Variants in ADGB observed in about 807,000 individuals in gnomAD.
ADGB encodes the protein androglobin.
ADGB carries 172 observed loss-of-function variants against 210.5 expected under a neutral mutation model. The observed-to-expected ratio is 0.82, with a 90% confidence interval of 0.72 to 0.93. The LOEUF is 0.93. Ranked by LOEUF, ADGB falls within the 40% of genes least tolerant of loss-of-function variation. The probability of loss-of-function intolerance (pLI) is 0.00; values close to 1 mark genes in which losing one functional copy is unlikely to be tolerated. For synonymous variants in ADGB, 658 were observed against 662.7 expected (o/e 0.99, Z 0.11); for missense variants, 2,025 against 1,964.8 (o/e 1.03, Z -0.58).
At chr6:146,609,067 A>G (rs1780669511) in intron 1 of ADGB, among the ~76,000 whole-genome samples, 1 of 152,122 alleles carries the variant, frequency 6.6e-6, no homozygotes, top group Non-Finnish European at 1.5e-5. Flanking sequence ...TTGGATGCAT[A>G]TATATATTTA....
chr6:146,717,227 G>T (rs1481735353), intron 15 of ADGB, among the ~76,000 whole-genome samples, 158 bp downstream of exon 15: 2 of 151,998 alleles, frequency 1.3e-5, no homozygotes, highest in East Asian at 3.8e-4. Flanking sequence ...GCCAATAACA[G>T]CCTAGTGTTG....
intron 1 of ADGB, among the ~76,000 whole-genome samples, chr6:146,616,983 A>T (rs1038635980): frequency 6.6e-6 from 1 of 152,130 alleles, no homozygotes; most frequent in African/African-American, 2.4e-5. Context: ...TCTCTGAAGA[A>T]TGGCATTGGT....
chr6:146,720,789 T>C (rs1038609255), intron 16 of ADGB, among the ~76,000 whole-genome samples: 1 of 152,070 alleles, frequency 6.6e-6, no homozygotes, highest in African/African-American at 2.4e-5. Flanking sequence ...TCCTGAGAAC[T>C]CCATCGCTAG....
chr6:146,782,265 G>A (rs1284354905), intron 30 of ADGB, 73 bp downstream of exon 30: 27 of 1,342,632 alleles, frequency 2.0e-5, no homozygotes, highest in East Asian at 2.7e-5. Flanking sequence ...TGCCTATCTC[G>A]TCTGAGGACA....
At chr6:146,794,872 T>C (rs754696816) in intron 33 of ADGB, among the ~76,000 whole-genome samples, 28 of 152,170 alleles carry the variant, frequency 1.8e-4, no homozygotes, top group Non-Finnish European at 2.9e-4. Flanking sequence ...TATGAGACTT[T>C]AAACCAGTGA....
At chr6:146,691,539 G>A (rs1356945498) in intron 11 of ADGB, among the ~76,000 whole-genome samples, 5 of 91,954 alleles carry the variant, frequency 5.4e-5, no homozygotes, top group South Asian at 7.9e-4. Flanking sequence ...ACGGAGTCTC[G>A]CTCTGTGGCC....
chr6:146,793,276 G>C (rs259399), intron 33 of ADGB, among the ~76,000 whole-genome samples: 76,178 of 152,004 alleles, frequency 0.5, 20,013 homozygotes, highest in Admixed American at 0.62. Context: ...AGTGCTGATT[G>C]GTGCATTTTA....
chr6:146,717,427 G>C (rs1295658345), intron 15 of ADGB, 109 bp from the exon 16 acceptor site: 9 of 634,834 alleles, frequency 1.4e-5, no homozygotes, highest in Non-Finnish European at 2.4e-5. Flanking sequence ...CAATACTGTT[G>C]TTATTTTTTA....
chr6:146,784,801 T>A lies in ADGB; in HGVS notation c.4212+7T>A. The A allele has an allele frequency of 6.5e-7, 1 of 1,539,088 alleles. No homozygotes were observed. The highest frequency in any genetic ancestry group is 1.2e-5 in the South Asian group (1 of 81,704). On this transcript the variant is annotated splice_region_variant and intron_variant, in intron 31 of 35. Transcript: ENST00000397944. Reference sequence around the variant, plus strand: ...GCCAGGAAGAGCAATCAAGGTCACCTGATTTCGAAAAGCTGTCATCTTTTA... The same window carrying A: ...GCCAGGAAGAGCAATCAAGGTCACCAGATTTCGAAAAGCTGTCATCTTTTA...
At chr6:146,749,212 T>C (rs1405476581) in intron 26 of ADGB, among the ~76,000 whole-genome samples, 1 of 152,154 alleles carries the variant, frequency 6.6e-6, no homozygotes, top group African/African-American at 2.4e-5. Flanking sequence ...ATTTGCAAGG[T>C]GGGCCATAGG....
chr6:146,695,548 G>A (rs1457691258), intron 12 of ADGB, among the ~76,000 whole-genome samples: 5 of 151,738 alleles, frequency 3.3e-5, no homozygotes, highest in Non-Finnish European at 5.9e-5. Context: ...TTAAAATTAT[G>A]TTCTTTCCTG....
chr6:146,795,586 T>C (rs1024702562), intron 33 of ADGB, among the ~76,000 whole-genome samples: 2 of 152,002 alleles, frequency 1.3e-5, no homozygotes, highest in Middle Eastern at 3.2e-3. Flanking sequence ...AAAATATAAA[T>C]CAAAACCACA....
intron 28 of ADGB, among the ~76,000 whole-genome samples, chr6:146,766,131 G>C (rs547914178): frequency 6.6e-6 from 1 of 152,058 alleles, no homozygotes; most frequent in Non-Finnish European, 1.5e-5. Context: ...GGTGGTAGGG[G>C]TGAGGGGGGC....
At chr6:146,773,150 T>C (rs1777675829) in intron 29 of ADGB, among the ~76,000 whole-genome samples, 2 of 152,098 alleles carry the variant, frequency 1.3e-5, no homozygotes, top group Admixed American at 1.3e-4. Flanking sequence ...AAATGTTTCC[T>C]CTCACTTTAG....
intron 3 of ADGB, among the ~76,000 whole-genome samples, chr6:146,650,030 G>C (rs2114877609): frequency 6.6e-6 from 1 of 152,210 alleles, no homozygotes; most frequent in East Asian, 1.9e-4. Context: ...CTCTAGCCAT[G>C]AGACAGCATC....
intron 28 of ADGB, among the ~76,000 whole-genome samples, chr6:146,766,705 C>T (rs144943864): frequency 3.0e-4 from 46 of 152,006 alleles, no homozygotes; most frequent in Admixed American, 1.0e-3. Flanking sequence ...TAATTTCTTA[C>T]GGAAAACAAA....
intron 1 of ADGB, among the ~76,000 whole-genome samples, chr6:146,634,634 A>G (rs148750270): frequency 1.3e-5 from 2 of 152,118 alleles, no homozygotes; most frequent in Admixed American, 6.6e-5. Flanking sequence ...CCAACTTTTC[A>G]GTAGAAAAAT....
At chr6:146,745,234 G>A (rs1158914599) in intron 25 of ADGB, among the ~76,000 whole-genome samples, 1 of 152,036 alleles carries the variant, frequency 6.6e-6, no homozygotes, top group Non-Finnish European at 1.5e-5. Flanking sequence ...CTTTATTAGG[G>A]GCATCTGGAA....
chr6:146,644,930 A>T (rs1435967582), intron 3 of ADGB, 65 bp downstream of exon 3: 6 of 1,052,212 alleles, frequency 5.7e-6, no homozygotes, highest in Non-Finnish European at 1.3e-6. Flanking sequence ...ACTGATAAAA[A>T]TTTGCATTTT....
Sources: gnomAD v4.1 joint callset for allele counts (sites outside exome capture counted in the v4.1 genomes callset) on GRCh38, gnomAD v4.1.1 for gene constraint, MANE v1.5 for transcripts, NCBI Gene and HGNC (gene_info 2026-07-23, HGNC 2026-07-21) for gene names.